MXRA8: variants seen among roughly 807,000 people sequenced by gnomAD.
MXRA8 encodes matrix remodeling associated 8.
In MXRA8, 44 loss-of-function variants were observed where a neutral mutation model predicts 51.4. The ratio of observed to expected loss-of-function variants is 0.86; its 90% CI spans 0.67 to 1.10. The LOEUF (loss-of-function observed/expected upper bound fraction) is 1.10. Among genes scored for constraint, MXRA8 ranks in the 50% least tolerant of loss-of-function variants. MXRA8 has a pLI of 0.00. For missense variants in MXRA8, 765 were observed against 638.9 expected (o/e 1.20, Z -2.13); for synonymous variants, 369 against 293.5 (o/e 1.26, Z -2.63).
intron 3 of MXRA8, 24 bp from the exon 4 acceptor site, chr1:1,355,369 G>A (rs539339426): frequency 8.3e-6 from 13 of 1,563,040 alleles, no homozygotes; most frequent in Middle Eastern, 2.3e-4. Context: ...AGGAAGCCGC[G>A]CGTGAGCCTT....
chr1:1,356,324 CCCCGAGGG>C, intron 2 of MXRA8, among the ~76,000 whole-genome samples: 1 of 130,598 alleles, frequency 7.7e-6, no homozygotes, highest in African/African-American at 3.0e-5. Context: ...GAGTGGTGGG[CCCCGAGGG>C]CCCTGGTGGG....
upstream of MXRA8, chr1:1,359,638 A>C: frequency 1.1e-6 from 1 of 943,770 alleles, no homozygotes; most frequent in Non-Finnish European, 1.3e-6. Flanking sequence ...TGGTGGTCTC[A>C]GGGCGAGGGG....
upstream of MXRA8, among the ~76,000 whole-genome samples, chr1:1,363,283 AAAAAC>A (rs545332670): frequency 5.4e-3 from 826 of 152,240 alleles, 4 homozygotes; most frequent in African/African-American, 0.019. Flanking sequence ...ACTCGGTCTC[AAAAAC>A]AAAACAAAAG....
upstream of MXRA8, among the ~76,000 whole-genome samples, chr1:1,361,981 C>T (rs1192965179): frequency 6.6e-6 from 1 of 152,238 alleles, no homozygotes; most frequent in Non-Finnish European, 1.5e-5. Flanking sequence ...ACTAAATTTA[C>T]AAGTAAACTT....
In MXRA8 at chr1:1,354,180, G is replaced by C. The variant is rs746273579; in HGVS notation, c.1145+13C>G. On this transcript the variant is annotated intron_variant, in intron 7 of 9. Coordinates refer to ENST00000309212, the MANE Select transcript of MXRA8 (RefSeq NM_032348.4). ...GCCCTGGTCCCCAGGAGGGCCGGGA[G>C]GGGGGCACTCACCCCTTTGACTTTC... The C allele has an allele frequency of 3.1e-6, 5 of 1,612,686 alleles. No individual in the cohort carries two copies. Among genetic ancestry groups the C allele is most frequent in the African/African-American group, 1.3e-5 (1 of 75,072 alleles).
In MXRA8 at chr1:1,354,934, C is replaced by G. The variant is rs903995332; in HGVS notation, c.697G>C (p.Ala233Pro). The G allele has an allele frequency of 1.2e-6, 2 of 1,603,508 alleles. No individual in the cohort carries two copies. Among genetic ancestry groups the G allele is most frequent in the African/African-American group, 1.3e-5 (1 of 74,720 alleles). The stretch of plus-strand genomic sequence containing the variant: ...TCGCGCAGAAAAAGGGGCCCGTAGG[C>G]GCGGCGCTCGCCCGACGCGTAGAGG... ...LDLYASGERRAYGPLFLRDRV... is the reference protein window; with the variant it reads ...LDLYASGERRPYGPLFLRDRV... Residue 233 changes from alanine (A) to proline (P), a missense_variant, in exon 5 of 10, where the codon GCC becomes CCC. Transcript: ENST00000309212.
chr1:1,353,783 C>T, intron 9 of MXRA8, 65 bp downstream of exon 9: 1 of 1,503,770 alleles, frequency 6.6e-7, no homozygotes, highest in Non-Finnish European at 8.9e-7. Flanking sequence ...ATCGTTGGTC[C>T]CAGGTGAGGT....
At chr1:1,357,230 G>T (rs1022285936) in intron 1 of MXRA8, among the ~76,000 whole-genome samples, 4 of 152,200 alleles carry the variant, frequency 2.6e-5, no homozygotes, top group African/African-American at 9.6e-5. Flanking sequence ...GTTGCTGCTT[G>T]AGGGACTCTC....
chr1:1,358,274 C>CT (rs1231134057), intron 1 of MXRA8, among the ~76,000 whole-genome samples, 182 bp downstream of exon 1: 1 of 152,236 alleles, frequency 6.6e-6, no homozygotes, highest in Non-Finnish European at 1.5e-5. Flanking sequence ...TGGCCAAAGT[C>CT]TAACTGAAGA....
upstream of MXRA8, chr1:1,361,538 C>T (rs1213540692): frequency 3.8e-5 from 20 of 528,404 alleles, 1 homozygote; most frequent in Middle Eastern, 5.2e-4. Flanking sequence ...GGCTTCCAGG[C>T]GCAGCCAGTG....
chr1:1,361,578 C>T (rs1037306648), upstream of MXRA8: 7 of 472,378 alleles, frequency 1.5e-5, no homozygotes, highest in Non-Finnish European at 2.7e-5. Flanking sequence ...TCTTGGGACG[C>T]CAGGGACCCT....
At chr1:1,360,854 A>G (rs1328747859), upstream of MXRA8, among the ~76,000 whole-genome samples, 1 of 152,170 alleles carries the variant, frequency 6.6e-6, no homozygotes, top group Non-Finnish European at 1.5e-5. Flanking sequence ...GAGTGTGCAC[A>G]GACACATGCA....
upstream of MXRA8, among the ~76,000 whole-genome samples, chr1:1,362,728 C>G (rs1326879577): frequency 1.4e-5 from 2 of 147,994 alleles, no homozygotes; most frequent in African/African-American, 5.0e-5. Context: ...TTGCAGTGAG[C>G]CGAGATCGTG....
chr1:1,353,290 C>T lies in MXRA8; in HGVS notation c.*314G>A. The T allele has an allele frequency of 6.5e-7, 1 of 1,547,750 alleles. No individual in the cohort carries two copies. The highest frequency in any genetic ancestry group is 8.7e-7 in the Non-Finnish European group (1 of 1,144,766). On this transcript the variant is annotated 3_prime_UTR_variant, in exon 10 of 10. Coordinates refer to ENST00000309212, the MANE Select transcript of MXRA8 (RefSeq NM_032348.4). ...GCCAGGTTCTGATGGGAGTGTCCTC[C>T]AGGAATGTCTTCAGGCCCCCAGCGG...
At position 1,355,434 on chromosome 1, in the gene MXRA8, T is replaced by A; in HGVS notation, c.376+16A>T. The A allele has an allele frequency of 6.7e-7, 1 of 1,483,984 alleles. No individual in the cohort carries two copies. The highest frequency in any genetic ancestry group is 8.9e-7 in the Non-Finnish European group (1 of 1,125,912). The allele number at this position is 1,483,984 out of a possible 1,614,324, so 91.9% of individuals were successfully genotyped here. ...CCCTGCCCCGACCCCGCGGCCCCGG[T>A]CCCCGGTCCCCGCACCGCGGATGAG... On this transcript the variant is annotated intron_variant, in intron 3 of 9. Transcript: ENST00000309212.
In MXRA8 at chr1:1,353,469, T is replaced by A. The variant is rs1452799041; in HGVS notation, c.*135A>T. On this transcript the variant is annotated 3_prime_UTR_variant, in exon 10 of 10. Transcript: ENST00000309212. ...GAGGGGTGTGGAGGCGGCCTCTGCA[T>A]ACGCCCAGGCCAAATTCCAGGAAAG... 6 of 1,505,966 alleles carry A rather than the reference T, an allele frequency of 4.0e-6. No individual in the cohort carries two copies. Among genetic ancestry groups the A allele is most frequent in the Non-Finnish European group, 5.3e-6 (6 of 1,125,226 alleles). 93.3% of individuals were successfully genotyped at this position (1,505,966 alleles called of 1,614,324 possible).
In MXRA8 at chr1:1,355,639, G is replaced by T. The variant is rs1347785464; in HGVS notation, c.187C>A (p.Gln63Lys). The T allele has an allele frequency of 1.4e-6, 2 of 1,457,320 alleles. No homozygotes were observed. Among genetic ancestry groups the T allele is most frequent in the Non-Finnish European group, 1.8e-6 (2 of 1,110,744 alleles). 90.3% of individuals were successfully genotyped at this position (1,457,320 alleles called of 1,614,324 possible). A position where few individuals can be genotyped will look rare whatever the true frequency, so the allele number is the denominator to read the frequency against. The part of the protein sequence containing the change: ...RCQSPRMVWT[Q>K]DRLHDRQRVL... ...CGCTGGCGGTCGTGCAGCCGGTCCT[G>T]GGTCCACACCATGCGCGGGCTCTGG... The change falls in exon 3 of 10, where the codon CAG becomes AAG. Residue 63 changes from glutamine to lysine, a missense_variant. Coordinates refer to ENST00000309212, the MANE Select transcript of MXRA8 (RefSeq NM_032348.4).
chr1:1,355,219 TG>T, intron 4 of MXRA8, 24 bp downstream of exon 4: 10 of 422,628 alleles, frequency 2.4e-5, no homozygotes, highest in South Asian at 2.5e-5. Flanking sequence ...GGGCGGGAGC[TG>T]GGGGGCGGGG....
rs1290091887 is a variant in MXRA8, at chr1:1,355,463, C to G, written c.363G>C (p.Ser121=). Residue 121 remains serine, a synonymous_variant, in exon 3 of 10, where the codon TCG becomes TCC. Transcript: ENST00000309212. The part of the protein sequence containing the change: ...SASAFDDGNF[S]LLIRAVEETD... The stretch of plus-strand genomic sequence containing the variant: ...CGGTCCCCGCACCGCGGATGAGCAG[C>G]GAGAAGTTGCCGTCGTCGAAGGCCG... The G allele has an allele frequency of 1.3e-6, 2 of 1,506,938 alleles. No homozygotes were observed. The highest frequency in any genetic ancestry group is 1.8e-6 in the Non-Finnish European group (2 of 1,138,384). The allele number at this position is 1,506,938 out of a possible 1,614,324, so 93.3% of individuals were successfully genotyped here.
Sources: gnomAD v4.1 joint callset for allele counts (sites outside exome capture counted in the v4.1 genomes callset) on GRCh38, gnomAD v4.1.1 for gene constraint, MANE v1.5 for transcripts, NCBI Gene and HGNC (gene_info 2026-07-23, HGNC 2026-07-21) for gene names.